Variants in CDH13 observed in about 807,000 individuals in gnomAD.
CDH13 encodes the protein cadherin-13.
CDH13 carries 24 observed loss-of-function variants against 63.8 expected under a neutral mutation model. The observed-to-expected ratio is 0.38, with a 90% CI of 0.27 to 0.53. The LOEUF is 0.53. Ranked by LOEUF, CDH13 falls within the 20% of genes least tolerant of loss-of-function variation. The pLI, the probability that CDH13 is intolerant of heterozygous loss-of-function variation, is 0.85. For synonymous variants in CDH13, 503 were observed against 355.3 expected, an observed-to-expected ratio of 1.42 and a Z score of -4.67; for missense variants, 1,049 against 903.1, an observed-to-expected ratio of 1.16 and a Z score of -2.07.
intron 3 of CDH13, among the ~76,000 whole-genome samples, chr16:83,082,469 A>T (rs906335959): frequency 6.6e-6 from 1 of 151,920 alleles, no homozygotes; most frequent in African/African-American, 2.4e-5. Context: ...TACTAAAAAT[A>T]AAAATAAAAA....
chr16:83,718,281 G>C (rs932443856), intron 10 of CDH13, among the ~76,000 whole-genome samples: 1 of 152,184 alleles, frequency 6.6e-6, no homozygotes, highest in Non-Finnish European at 1.5e-5. Context: ...TCGTAGGCTG[G>C]GGGAGGTCCC....
intron 4 of CDH13, among the ~76,000 whole-genome samples, chr16:83,162,993 C>A (rs74574038): frequency 6.6e-6 from 1 of 152,020 alleles, no homozygotes; most frequent in African/African-American, 2.4e-5. Flanking sequence ...TCCCATGTGT[C>A]GTAGGAGGAA....
chr16:83,024,499 C>T (rs760280743), intron 2 of CDH13, among the ~76,000 whole-genome samples: 2 of 152,114 alleles, frequency 1.3e-5, no homozygotes, highest in Non-Finnish European at 2.9e-5. Flanking sequence ...GGAGTGTGGG[C>T]TCTAGAACCA....
chr16:83,016,264 CTT>C (rs1191724348), intron 2 of CDH13, among the ~76,000 whole-genome samples: 1 of 152,226 alleles, frequency 6.6e-6, no homozygotes, highest in Non-Finnish European at 1.5e-5. Flanking sequence ...AAATCATTGT[CTT>C]TTAATTTCCT....
intron 4 of CDH13, chr16:83,171,606 T>A (rs2037921005): frequency 1.3e-6 from 2 of 1,489,662 alleles, no homozygotes; most frequent in African/African-American, 2.8e-5. Flanking sequence ...TGTGTCTCTA[T>A]CTTCATTTCC....
At chr16:82,860,104 C>G (rs993929066) in intron 2 of CDH13, among the ~76,000 whole-genome samples, 3 of 152,114 alleles carry the variant, frequency 2.0e-5, no homozygotes, top group East Asian at 1.9e-4. Context: ...TGGCTCTCCT[C>G]TCCTCTCTTC....
At chr16:82,953,378 A>G (rs1371602339) in intron 2 of CDH13, 1 of 152,234 alleles carries the variant, frequency 6.6e-6, no homozygotes, top group African/African-American at 2.4e-5. Flanking sequence ...AGTGACCAAC[A>G]TGGGGTTTCT....
intron 5 of CDH13, among the ~76,000 whole-genome samples, chr16:83,218,983 G>A (rs1346826007): frequency 1.3e-5 from 2 of 152,086 alleles, no homozygotes; most frequent in Non-Finnish European, 2.9e-5. Context: ...TGATTGTGAG[G>A]CCTCCCCAGC....
chr16:82,734,307 A>G (rs2033557059), intron 1 of CDH13, among the ~76,000 whole-genome samples: 1 of 152,240 alleles, frequency 6.6e-6, no homozygotes, highest in Non-Finnish European at 1.5e-5. Context: ...TTAAATGTTT[A>G]CTATTTGGCC....
intron 10 of CDH13, among the ~76,000 whole-genome samples, chr16:83,700,643 T>C (rs1031043043): frequency 3.3e-5 from 5 of 152,220 alleles, no homozygotes; most frequent in Admixed American, 2.6e-4. Flanking sequence ...ATATTTCCTT[T>C]TTTTACACAT....
At chr16:82,665,321 C>T (rs4783250) in intron 1 of CDH13, among the ~76,000 whole-genome samples, 56,275 of 151,850 alleles carry the variant, frequency 0.37, 10,786 homozygotes, top group Non-Finnish European at 0.4. Context: ...AAGCTTTGTT[C>T]CAGCATGAGT....
chr16:83,271,433 A>AAAAAAAAAAAAAAAAAAAAAC, intron 5 of CDH13, among the ~76,000 whole-genome samples: 1 of 128,440 alleles, frequency 7.8e-6, no homozygotes, highest in Non-Finnish European at 1.6e-5. Flanking sequence ...AAAAAAAAAA[A>AAAAAAAAAAAAAAAAAAAAAC]AAAAAAAAAA....
chr16:83,495,050 G>T (rs2074103308), intron 7 of CDH13, among the ~76,000 whole-genome samples: 1 of 152,100 alleles, frequency 6.6e-6, no homozygotes, highest in African/African-American at 2.4e-5. Flanking sequence ...CAAACTTGAA[G>T]ATATTATTAT....
chr16:83,134,738 C>T (rs1318758227), intron 4 of CDH13, among the ~76,000 whole-genome samples: 1 of 152,154 alleles, frequency 6.6e-6, no homozygotes, highest in Admixed American at 6.5e-5. Flanking sequence ...CTAATAAAAG[C>T]TATGTTCACC....
intron 2 of CDH13, among the ~76,000 whole-genome samples, chr16:82,941,308 T>C (rs1474895558): frequency 6.6e-6 from 1 of 152,184 alleles, no homozygotes; most frequent in Non-Finnish European, 1.5e-5. Flanking sequence ...GGATCTCCCA[T>C]TCAGTGAAAT....
At chr16:83,465,719 T>C (rs2073297375) in intron 6 of CDH13, among the ~76,000 whole-genome samples, 1 of 152,158 alleles carries the variant, frequency 6.6e-6, no homozygotes, top group South Asian at 2.1e-4. Context: ...TTGTGAGGCT[T>C]TCTGTGGGGT....
At chr16:83,035,446 T>C (rs1207890925) in intron 3 of CDH13, among the ~76,000 whole-genome samples, 1 of 152,236 alleles carries the variant, frequency 6.6e-6, no homozygotes, top group Non-Finnish European at 1.5e-5. Flanking sequence ...CTGACTCACG[T>C]AACCTCCTTA....
chr16:82,742,186 T>C (rs1350216028), intron 1 of CDH13, among the ~76,000 whole-genome samples: 1 of 152,182 alleles, frequency 6.6e-6, no homozygotes, highest in African/African-American at 2.4e-5. Flanking sequence ...ATGAGAATCT[T>C]GTAAAATATA....
chr16:83,563,451 A>T (rs960028832), intron 7 of CDH13, among the ~76,000 whole-genome samples: 3 of 152,200 alleles, frequency 2.0e-5, no homozygotes, highest in African/African-American at 7.2e-5. Context: ...AAAGACAAAG[A>T]ATGACTTTGA....
Sources: gnomAD v4.1 joint callset for allele counts (sites outside exome capture counted in the v4.1 genomes callset) on GRCh38, gnomAD v4.1.1 for gene constraint, MANE v1.5 for transcripts, NCBI Gene and HGNC (gene_info 2026-07-23, HGNC 2026-07-21) for gene names.